The following TSPAN18 variants were observed in gnomAD, a reference collection of about 807,000 sequenced individuals.
TSPAN18 encodes the protein tetraspanin 18.
A neutral mutation model predicts 27.3 loss-of-function variants in TSPAN18; 14 were observed. The observed-to-expected ratio is 0.51, with a 90% confidence interval of 0.34 to 0.80. The LOEUF is 0.80. TSPAN18 is among the 30% of genes least tolerant of loss of function. The pLI is 0.01. For missense variants in TSPAN18, 268 were observed against 323.9 expected, an observed-to-expected ratio of 0.83 and a Z score of 1.32; for synonymous variants, 143 against 136.5, an observed-to-expected ratio of 1.05 and a Z score of -0.33.
intron 2 of TSPAN18, among the ~76,000 whole-genome samples, chr11:44,809,371 T>G (rs1856667202): frequency 6.6e-6 from 1 of 151,936 alleles, no homozygotes; most frequent in Non-Finnish European, 1.5e-5. Context: ...GGACCCGGCA[T>G]GGCACCTGGC....
chr11:44,908,795 G>T (rs1239498469), intron 4 of TSPAN18, among the ~76,000 whole-genome samples: 2 of 100,552 alleles, frequency 2.0e-5, no homozygotes, highest in Non-Finnish European at 4.1e-5. Flanking sequence ...AAGAAAGAAA[G>T]AAAGAAAGAA....
At chr11:44,923,759 G>T (rs1860235358) in intron 8 of TSPAN18, among the ~76,000 whole-genome samples, 2 of 152,130 alleles carry the variant, frequency 1.3e-5, no homozygotes, top group South Asian at 4.1e-4. Context: ...AAGAGCCCAC[G>T]AGGCCCTAGC....
intron 2 of TSPAN18, among the ~76,000 whole-genome samples, chr11:44,831,554 C>T (rs1268624335): frequency 3.3e-5 from 5 of 152,180 alleles, no homozygotes; most frequent in Admixed American, 3.3e-4. Flanking sequence ...TTACACGGCC[C>T]CTTCACCACT....
chr11:44,876,635 A>G (rs753249309), intron 3 of TSPAN18, among the ~76,000 whole-genome samples: 1 of 152,202 alleles, frequency 6.6e-6, no homozygotes, highest in Non-Finnish European at 1.5e-5. Flanking sequence ...ACATCAGAGT[A>G]TGGGGTTTAA....
At chr11:44,903,078 A>C (rs868302496) in intron 3 of TSPAN18, among the ~76,000 whole-genome samples, 1 of 152,084 alleles carries the variant, frequency 6.6e-6, no homozygotes, top group South Asian at 2.1e-4. Context: ...TCTGGGATTC[A>C]CCAGGAACGC....
intron 2 of TSPAN18, among the ~76,000 whole-genome samples, chr11:44,851,615 T>G (rs7943452): frequency 5.7e-5 from 7 of 122,844 alleles, no homozygotes; most frequent in South Asian, 2.7e-4. Flanking sequence ...TCTTGTCACC[T>G]CCCCCCCCCA....
At chr11:44,824,754 G>A (rs566334382) in intron 2 of TSPAN18, among the ~76,000 whole-genome samples, 1 of 152,284 alleles carries the variant, frequency 6.6e-6, no homozygotes, top group African/African-American at 2.4e-5. Flanking sequence ...GGTTTTAATT[G>A]TGGCTGTTAT....
At chr11:44,903,177 G>A (rs1480707761) in intron 3 of TSPAN18, among the ~76,000 whole-genome samples, 1 of 152,052 alleles carries the variant, frequency 6.6e-6, no homozygotes, top group Non-Finnish European at 1.5e-5. Context: ...GGAAGGCACT[G>A]AGCTTGGCTT....
chr11:44,908,070 AG>A (rs1223443609), intron 4 of TSPAN18, among the ~76,000 whole-genome samples: 3 of 149,914 alleles, frequency 2.0e-5, no homozygotes, highest in African/African-American at 7.5e-5. Flanking sequence ...AAAAAAAAAA[AG>A]GAGAGAGACA....
chr11:44,925,040 G>A (rs1860300058), intron 8 of TSPAN18, among the ~76,000 whole-genome samples: 1 of 152,206 alleles, frequency 6.6e-6, no homozygotes, highest in African/African-American at 2.4e-5. Flanking sequence ...CTGGCCTGGG[G>A]TAGGAACCCC....
At chr11:44,812,231 G>C (rs1856733535) in intron 2 of TSPAN18, among the ~76,000 whole-genome samples, 1 of 152,204 alleles carries the variant, frequency 6.6e-6, no homozygotes. Context: ...CTGGCTGTGT[G>C]ACCTGGGGCA....
At chr11:44,883,783 C>T (rs1031012609) in intron 3 of TSPAN18, among the ~76,000 whole-genome samples, 2 of 152,238 alleles carry the variant, frequency 1.3e-5, no homozygotes, top group Non-Finnish European at 2.9e-5. Flanking sequence ...CACCTCTGAG[C>T]CCGGATGCTG....
At chr11:44,810,609 T>C (rs1276583550) in intron 2 of TSPAN18, among the ~76,000 whole-genome samples, 1 of 151,280 alleles carries the variant, frequency 6.6e-6, no homozygotes, top group African/African-American at 2.4e-5. Context: ...TTTTTCTTTT[T>C]TTTTTTTTTT....
At chr11:44,791,730 C>T (rs766805440) in intron 2 of TSPAN18, among the ~76,000 whole-genome samples, 11 of 152,196 alleles carry the variant, frequency 7.2e-5, no homozygotes, top group East Asian at 1.9e-4. Context: ...TGGACAGTGG[C>T]GTTGCCAGAG....
intron 2 of TSPAN18, among the ~76,000 whole-genome samples, chr11:44,809,287 CAT>C (rs1454008505): frequency 1.3e-5 from 2 of 151,990 alleles, no homozygotes; most frequent in South Asian, 2.1e-4. Flanking sequence ...GGGGAGCACT[CAT>C]ATATTTTCCC....
chr11:44,729,256 AAAG>A (rs1198293943), intron 1 of TSPAN18, among the ~76,000 whole-genome samples: 5 of 152,128 alleles, frequency 3.3e-5, no homozygotes, highest in African/African-American at 9.7e-5. Context: ...CTGGAAAACA[AAAG>A]AAGTTTTTTT....
intron 2 of TSPAN18, among the ~76,000 whole-genome samples, chr11:44,853,687 C>A (rs909422618): frequency 2.0e-5 from 3 of 152,230 alleles, no homozygotes; most frequent in African/African-American, 2.4e-5. Context: ...TAACCCCCGC[C>A]CCATGCACCT....
At chr11:44,916,709 C>G (rs1449601164) in intron 5 of TSPAN18, among the ~76,000 whole-genome samples, 1 of 152,166 alleles carries the variant, frequency 6.6e-6, no homozygotes, top group African/African-American at 2.4e-5. Flanking sequence ...CCCTTTGCCT[C>G]CTTCCAGCCT....
At chr11:44,890,790 A>G (rs1376825805) in intron 3 of TSPAN18, among the ~76,000 whole-genome samples, 1 of 151,756 alleles carries the variant, frequency 6.6e-6, no homozygotes, top group African/African-American at 2.4e-5. Flanking sequence ...TAAAATGATG[A>G]TAGTTATTAG....
Sources: gnomAD v4.1 joint callset for allele counts (sites outside exome capture counted in the v4.1 genomes callset) on GRCh38, gnomAD v4.1.1 for gene constraint, MANE v1.5 for transcripts, NCBI Gene and HGNC (gene_info 2026-07-23, HGNC 2026-07-21) for gene names.